POLN: variants seen among roughly 807,000 people sequenced by gnomAD.
POLN encodes the protein DNA polymerase N.
POLN carries 108 observed loss-of-function variants against 113.5 expected under a neutral mutation model. The ratio of observed to expected loss-of-function variants is 0.95; its 90% confidence interval spans 0.81 to 1.12. The LOEUF (loss-of-function observed/expected upper bound fraction) is 1.12. Among genes scored for constraint, POLN ranks in the 50% most tolerant of loss-of-function variants. The pLI, the probability that POLN is intolerant of heterozygous loss-of-function variation, is 0.00. For synonymous variants in POLN, 386 were observed against 391.5 expected (o/e 0.99, Z 0.17); for missense variants, 1,097 against 1,077.1 (o/e 1.02, Z -0.26).
chr4:2,096,087 CT>C (rs1178164993), intron 19 of POLN, among the ~76,000 whole-genome samples, 154 bp from the exon 20 acceptor site: 1 of 152,192 alleles, frequency 6.6e-6, no homozygotes. Context: ...CATTCCATAC[CT>C]GTGGTGTCAG....
At chr4:2,072,911 C>T in intron 25 of POLN, 57 bp downstream of exon 25, 1 of 1,570,522 alleles carries the variant, frequency 6.4e-7, no homozygotes, top group Non-Finnish European at 8.7e-7. Flanking sequence ...CCTGGGGGTG[C>T]TGGCCTCCCC....
intron 16 of POLN, among the ~76,000 whole-genome samples, chr4:2,149,722 G>C (rs140332869): frequency 6.6e-6 from 1 of 152,268 alleles, no homozygotes; most frequent in East Asian, 1.9e-4. Context: ...GGAGTTGGAG[G>C]CTGCAGTGAG....
intron 1 of POLN, 67 bp from the exon 2 acceptor site, chr4:2,241,857 C>CA: frequency 1.0e-6 from 1 of 985,562 alleles, no homozygotes; most frequent in Non-Finnish European, 1.2e-6. Flanking sequence ...ACGGGGGTGA[C>CA]AGGCCCCGCA....
chr4:2,193,339 CT>C (rs1338832409), intron 6 of POLN, 23 bp from the exon 7 acceptor site: 1 of 1,487,630 alleles, frequency 6.7e-7, no homozygotes, highest in African/African-American at 1.5e-5. Flanking sequence ...AAGAAATTCA[CT>C]GATTTAAACA....
At chr4:2,114,811 C>T (rs904461537) in intron 19 of POLN, among the ~76,000 whole-genome samples, 1 of 151,988 alleles carries the variant, frequency 6.6e-6, no homozygotes, top group African/African-American at 2.4e-5. Flanking sequence ...AGCCATCATA[C>T]CTTCCAATAT....
chr4:2,181,382 T>G (rs961788442), intron 7 of POLN, among the ~76,000 whole-genome samples: 1 of 151,968 alleles, frequency 6.6e-6, no homozygotes, highest in Admixed American at 6.6e-5. Flanking sequence ...CTGACCTCAG[T>G]TGATCTGCCC....
intron 13 of POLN, among the ~76,000 whole-genome samples, chr4:2,161,957 T>C (rs1028631639): frequency 1.3e-5 from 2 of 151,980 alleles, no homozygotes; most frequent in African/African-American, 4.8e-5. Flanking sequence ...CTGGTGGGGA[T>C]ATGGAGAACC....
chr4:2,241,080 TATA>T (rs1368796879), intron 2 of POLN: 3 of 663,880 alleles, frequency 4.5e-6, no homozygotes, highest in Non-Finnish European at 7.5e-6. Context: ...TTTTAGAATC[TATA>T]ATGATTCCTC....
intron 20 of POLN, chr4:2,089,063 C>T (rs1353250232): frequency 5.7e-6 from 5 of 878,652 alleles, no homozygotes; most frequent in Non-Finnish European, 7.4e-6. Flanking sequence ...AACTTTAGTT[C>T]GTGATGAAGG....
At position 2,081,797 on chromosome 4, in the gene POLN, G is replaced by A; in HGVS notation, c.2198-54C>T. ...GGGACAGAAACAGGCACCACAGCAG[G>A]TGCAGCTCCCTCGGGCCAGGTCCAG... On this transcript the variant is annotated intron_variant, in intron 21 of 25. Transcript: ENST00000511885. 4.6e-6 allele frequency: 7 copies of A among 1,506,304 alleles called. No individual in the cohort carries two copies. The South Asian group carries it at 5.6e-5, about 12-fold the overall frequency. 93.3% of individuals were successfully genotyped at this position (1,506,304 alleles called of 1,614,324 possible). A position where few individuals can be genotyped will look rare whatever the true frequency, so the allele number is the denominator to read the frequency against.
At chr4:2,176,410 G>A (rs929371663) in intron 8 of POLN, 76 bp from the exon 9 acceptor site, 16 of 1,157,204 alleles carry the variant, frequency 1.4e-5, no homozygotes, top group Non-Finnish European at 2.0e-5. Context: ...TAACTGACAT[G>A]ACTTGAAAAA....
chr4:2,073,822 G>A (rs1406258989), intron 24 of POLN, among the ~76,000 whole-genome samples: 1 of 152,258 alleles, frequency 6.6e-6, no homozygotes, highest in Non-Finnish European at 1.5e-5. Context: ...GGTCTCCCTG[G>A]GGACCTGTCC....
chr4:2,232,950 G>T (rs1734635418), intron 2 of POLN, among the ~76,000 whole-genome samples: 1 of 151,964 alleles, frequency 6.6e-6, no homozygotes, highest in Admixed American at 6.6e-5. Flanking sequence ...AATTATCTGA[G>T]GTACTTGTTA....
intron 20 of POLN, chr4:2,089,959 A>G: frequency 1.1e-6 from 1 of 947,236 alleles, no homozygotes; most frequent in Non-Finnish European, 1.7e-6. Flanking sequence ...TTCTTTTGTT[A>G]ACCTACATGA....
At chr4:2,072,839 G>T in intron 25 of POLN, 129 bp downstream of exon 25, 2 of 947,504 alleles carry the variant, frequency 2.1e-6, no homozygotes, top group Non-Finnish European at 3.3e-6. Flanking sequence ...CTCCACGGCT[G>T]TGCCTGCTGT....
intron 16 of POLN, among the ~76,000 whole-genome samples, chr4:2,137,900 G>A (rs1731900970): frequency 6.6e-6 from 1 of 152,150 alleles, no homozygotes; most frequent in Non-Finnish European, 1.5e-5. Flanking sequence ...GTGCAGTGGT[G>A]TGATCTTGGC....
chr4:2,110,147 C>T (rs2108711035), intron 19 of POLN, among the ~76,000 whole-genome samples: 1 of 152,226 alleles, frequency 6.6e-6, no homozygotes, highest in South Asian at 2.1e-4. Flanking sequence ...CTCCTGGGTA[C>T]ATAACGAAAT....
intron 20 of POLN, among the ~76,000 whole-genome samples, chr4:2,087,443 ACTTT>A (rs1223977440): frequency 5.9e-5 from 9 of 152,282 alleles, no homozygotes; most frequent in African/African-American, 2.2e-4. Context: ...GCCAGATGGG[ACTTT>A]CTTTGAGTAT....
At chr4:2,122,130 C>A (rs1323377916) in intron 19 of POLN, among the ~76,000 whole-genome samples, 4 of 152,066 alleles carry the variant, frequency 2.6e-5, no homozygotes, top group Non-Finnish European at 5.9e-5. Flanking sequence ...CGCAGAGATC[C>A]TCTCACACGT....
Sources: allele counts gnomAD v4.1 joint callset (sites outside exome capture counted in the v4.1 genomes callset), GRCh38; gene constraint gnomAD v4.1.1; transcripts MANE v1.5; gene names NCBI Gene and HGNC (gene_info 2026-07-23, HGNC 2026-07-21).